The following ADK variants were observed in gnomAD, a reference collection of about 807,000 sequenced individuals.
ADK encodes N6,N6-dimethyladenosine kinase.
Under a neutral mutation model 44.7 loss-of-function variants are expected in ADK, and 24 were observed. The ratio of observed to expected loss-of-function variants is 0.54; its 90% CI spans 0.39 to 0.76. ADK has a LOEUF of 0.76. Among genes scored for constraint, ADK ranks in the 30% least tolerant of loss-of-function variants. The pLI, the probability that ADK is intolerant of heterozygous loss-of-function variation, is 0.00. For missense variants in ADK, 321 were observed against 425.1 expected (o/e 0.76, Z 2.15); for synonymous variants, 128 against 142.6 (o/e 0.90, Z 0.73).
At chr10:74,197,574 C>G (rs556072924) in intron 1 of ADK, among the ~76,000 whole-genome samples, 1 of 152,088 alleles carries the variant, frequency 6.6e-6, no homozygotes, top group South Asian at 2.1e-4. Context: ...GTGGTGGGCA[C>G]CTGTAATCCC....
intron 9 of ADK, among the ~76,000 whole-genome samples, chr10:74,662,203 G>C (rs548861924): frequency 6.6e-6 from 1 of 152,228 alleles, no homozygotes; most frequent in Admixed American, 6.5e-5. Context: ...CTTGCCCAAG[G>C]ATTCTTGGTA....
intron 2 of ADK, among the ~76,000 whole-genome samples, chr10:74,201,680 C>G (rs143402142): frequency 0.26 from 8,877 of 34,262 alleles, 642 homozygotes; most frequent in African/African-American, 0.45. Context: ...ATGTATGTAT[C>G]TATCTATCTA....
intron 3 of ADK, among the ~76,000 whole-genome samples, chr10:74,277,117 C>T (rs955963535): frequency 1.3e-5 from 2 of 151,976 alleles, no homozygotes; most frequent in African/African-American, 4.8e-5. Flanking sequence ...CAGGGTTTCA[C>T]CATTTGGCCA....
intron 6 of ADK, among the ~76,000 whole-genome samples, chr10:74,517,446 T>C (rs1388946113): frequency 6.6e-6 from 1 of 152,022 alleles, no homozygotes; most frequent in Non-Finnish European, 1.5e-5. Context: ...CCCAGCACTT[T>C]AGGAGGCTGA....
chr10:74,438,523 C>A (rs1845271565), intron 6 of ADK, among the ~76,000 whole-genome samples: 1 of 152,044 alleles, frequency 6.6e-6, no homozygotes, highest in Admixed American at 6.5e-5. Context: ...AGCCACTGCC[C>A]CCGGCCTTGC....
intron 9 of ADK, among the ~76,000 whole-genome samples, chr10:74,651,250 T>A (rs1451982597): frequency 2.0e-5 from 3 of 152,150 alleles, no homozygotes; most frequent in Admixed American, 2.0e-4. Context: ...TTCTTCTTAA[T>A]CTAATAGGCA....
intron 2 of ADK, among the ~76,000 whole-genome samples, chr10:74,201,679 T>TCTAC (rs1843395971): frequency 4.4e-5 from 1 of 22,900 alleles, no homozygotes. Flanking sequence ...TATGTATGTA[T>TCTAC]CTATCTATCT....
chr10:74,667,945 A>G (rs542114711), intron 9 of ADK, among the ~76,000 whole-genome samples: 2 of 152,336 alleles, frequency 1.3e-5, no homozygotes, highest in African/African-American at 4.8e-5. Context: ...TTTTCAAACG[A>G]GGAGCTCAAG....
chr10:74,533,748 C>T (rs1170422911), intron 7 of ADK, among the ~76,000 whole-genome samples: 1 of 152,094 alleles, frequency 6.6e-6, no homozygotes, highest in Non-Finnish European at 1.5e-5. Context: ...TATACATCCT[C>T]CAAATGACCT....
intron 9 of ADK, among the ~76,000 whole-genome samples, chr10:74,612,649 A>G (rs915293462): frequency 6.6e-6 from 1 of 152,038 alleles, no homozygotes; most frequent in African/African-American, 2.4e-5. Context: ...ACAATGGTCA[A>G]TTTTTATTTT....
At chr10:74,488,128 G>A (rs569331599) in intron 6 of ADK, among the ~76,000 whole-genome samples, 6 of 151,924 alleles carry the variant, frequency 3.9e-5, no homozygotes, top group East Asian at 1.9e-4. Context: ...ACAAGACAAC[G>A]GCCTGGACTC....
At chr10:74,279,873 G>T (rs12357589) in intron 3 of ADK, among the ~76,000 whole-genome samples, 98,534 of 151,694 alleles carry the variant, frequency 0.65, 33,249 homozygotes, top group Middle Eastern at 0.8. Context: ...CTCTAAAAAA[G>T]AAAAATTAAA....
intron 6 of ADK, among the ~76,000 whole-genome samples, chr10:74,505,280 ATGT>A (rs1447474480): frequency 6.6e-6 from 1 of 152,204 alleles, no homozygotes; most frequent in African/African-American, 2.4e-5. Context: ...AGAAGGGTCC[ATGT>A]TGTAAAAGAA....
At chr10:74,240,254 T>A (rs191011189) in intron 3 of ADK, among the ~76,000 whole-genome samples, 9 of 152,266 alleles carry the variant, frequency 5.9e-5, no homozygotes, top group Admixed American at 1.3e-4. Context: ...GTTGTTGATG[T>A]GTGAGACTTG....
chr10:74,622,027 C>T (rs1369888579), intron 9 of ADK, among the ~76,000 whole-genome samples: 2 of 152,142 alleles, frequency 1.3e-5, no homozygotes, highest in Non-Finnish European at 2.9e-5. Flanking sequence ...CTTATGGATG[C>T]CTTATACTTG....
intron 1 of ADK, among the ~76,000 whole-genome samples, chr10:74,181,911 G>T (rs1183838156): frequency 6.6e-6 from 1 of 152,200 alleles, no homozygotes; most frequent in African/African-American, 2.4e-5. Context: ...GGTCTGCCCA[G>T]ATAGGTCAGG....
At chr10:74,211,666 C>A (rs1001837633) in intron 2 of ADK, among the ~76,000 whole-genome samples, 1 of 152,140 alleles carries the variant, frequency 6.6e-6, no homozygotes, top group Non-Finnish European at 1.5e-5. Context: ...TGTATCTGTG[C>A]TATCCAACAT....
intron 6 of ADK, among the ~76,000 whole-genome samples, chr10:74,489,637 A>ATGC (rs1273900129): frequency 6.6e-6 from 1 of 151,910 alleles, no homozygotes; most frequent in African/African-American, 2.4e-5. Context: ...AGTCCTGAAA[A>ATGC]TGCTGCTATT....
At chr10:74,288,086 A>T (rs1292203452) in intron 3 of ADK, among the ~76,000 whole-genome samples, 1 of 152,158 alleles carries the variant, frequency 6.6e-6, no homozygotes, top group Non-Finnish European at 1.5e-5. Context: ...AACCCTGGGC[A>T]AAGACAGTAT....
Sources: gnomAD v4.1 joint callset for allele counts (sites outside exome capture counted in the v4.1 genomes callset) on GRCh38, gnomAD v4.1.1 for gene constraint, MANE v1.5 for transcripts, NCBI Gene and HGNC (gene_info 2026-07-23, HGNC 2026-07-21) for gene names.